The following NXPH1 variants were observed in gnomAD, a reference collection of about 807,000 sequenced individuals.
The protein encoded by NXPH1 is neurexophilin 1.
A neutral mutation model predicts 23.7 loss-of-function variants in NXPH1; 5 were observed. That is an observed-to-expected ratio of 0.21 (90% CI 0.11 to 0.44). NXPH1 has a LOEUF of 0.44. Ranked by LOEUF, NXPH1 falls within the 20% of genes least tolerant of loss-of-function variation. NXPH1 has a pLI of 0.99. For synonymous variants in NXPH1, 144 were observed against 122.2 expected (o/e 1.18, Z -1.18); for missense variants, 324 against 321.6 (o/e 1.01, Z -0.06).
rs149251991 is a variant in NXPH1 at position 8,615,697 on chromosome 7, G to A, written c.55-135311G>A. On this transcript the variant is annotated intron_variant, in intron 2 of 2. Coordinates refer to ENST00000405863, the MANE Select transcript of NXPH1 (RefSeq NM_152745.3). ...TTATTGAGAACCAAAGGTATTCTAT[G>A]CTTTGCTAAAGATTGGAGAAGGAAA... Among the ~76,000 whole-genome samples the A allele has an allele frequency of 3.5e-3, 525 of 152,012 alleles. 2 individuals carry two copies. Among genetic ancestry groups the A allele is most frequent in the African/African-American group, 0.012 (497 of 41,468 alleles).
At chr7:8,739,135 G>A (rs1583255287) in intron 2 of NXPH1, among the ~76,000 whole-genome samples, 3 of 132,354 alleles carry the variant, frequency 2.3e-5, no homozygotes, top group South Asian at 4.9e-4. Flanking sequence ...GGGAGTGAAC[G>A]GTTTCGTCTC....
Position 8,545,238 on chromosome 7 carries a change from G to A in NXPH1, c.54+109471G>A, listed in dbSNP as rs143841477. ...AGTAGAAGATTGAGTTTCAGTTCAGGCTTTGTCACTAGGACAATTTCTACT... is the reference window on the plus strand; with the variant it reads ...AGTAGAAGATTGAGTTTCAGTTCAGACTTTGTCACTAGGACAATTTCTACT... On this transcript the variant is annotated intron_variant, in intron 2 of 2. Transcript: ENST00000405863. 1.2e-3 allele frequency among the ~76,000 whole-genome samples: 187 copies of A among 151,558 alleles called. 1 individual carries two copies. The highest frequency in any genetic ancestry group is 4.3e-3 in the African/African-American group (178 of 41,466).
At chr7:8,660,956 C>CT (rs78990589) in intron 2 of NXPH1, among the ~76,000 whole-genome samples, 6,843 of 139,444 alleles carry the variant, frequency 0.049, 509 homozygotes, top group African/African-American at 0.16. Flanking sequence ...TATATCATTC[C>CT]TTTTTTTTTT....
intron 2 of NXPH1, among the ~76,000 whole-genome samples, chr7:8,574,083 C>A (rs528427230): frequency 6.6e-6 from 1 of 152,174 alleles, no homozygotes; most frequent in African/African-American, 2.4e-5. Flanking sequence ...AGGCTCTGAG[C>A]AGGACCAGAA....
chr7:8,604,663 C>T (rs1374638145), intron 2 of NXPH1, among the ~76,000 whole-genome samples: 1 of 151,928 alleles, frequency 6.6e-6, no homozygotes, highest in Non-Finnish European at 1.5e-5. Flanking sequence ...CTATATATGC[C>T]TTATTTGTGA....
At chr7:8,723,487 T>G (rs902552740) in intron 2 of NXPH1, among the ~76,000 whole-genome samples, 3 of 152,226 alleles carry the variant, frequency 2.0e-5, no homozygotes, top group Non-Finnish European at 4.4e-5. Flanking sequence ...TTGCTCTTAT[T>G]CAGTTTTGTC....
At chr7:8,616,931 A>G (rs993111643) in intron 2 of NXPH1, among the ~76,000 whole-genome samples, 18 of 151,950 alleles carry the variant, frequency 1.2e-4, no homozygotes, top group African/African-American at 3.1e-4. Context: ...GAGTAGATCA[A>G]TTAGGAGTTC....
intron 2 of NXPH1, among the ~76,000 whole-genome samples, chr7:8,438,549 G>T (rs1816238434): frequency 6.6e-6 from 1 of 152,188 alleles, no homozygotes; most frequent in South Asian, 2.1e-4. Flanking sequence ...AGTGCACCTT[G>T]ACCTTTAAGC....
rs1780573157 is a variant in NXPH1, at chr7:8,751,991, A to C, written c.*222A>C. On this transcript the variant is annotated 3_prime_UTR_variant, in exon 3 of 3. Coordinates refer to ENST00000405863, the MANE Select transcript of NXPH1 (RefSeq NM_152745.3). This position sits in a 1 kb window ranked among gnomAD's most constrained non-coding sequence, Gnocchi z 4.5. ...GTAAATCATCACAGATTTTGAATTC[A>C]CACCTGAAGACATGCTCTCACATAT... is the stretch of plus-strand genomic sequence containing the variant. The C allele has an allele frequency of 3.9e-6, 2 of 508,816 alleles. No individual in the cohort carries two copies. Among genetic ancestry groups the C allele is most frequent in the Non-Finnish European group, 7.1e-6 (2 of 283,620 alleles). 31.5% of individuals were successfully genotyped at this position (508,816 alleles called of 1,614,324 possible). A position where few individuals can be genotyped will look rare whatever the true frequency, so the allele number is the denominator to read the frequency against.
At chr7:8,614,843 T>G (rs756978195) in intron 2 of NXPH1, among the ~76,000 whole-genome samples, 1 of 152,096 alleles carries the variant, frequency 6.6e-6, no homozygotes, top group Non-Finnish European at 1.5e-5. Context: ...TTGTGGCAGT[T>G]ATTGTTCTTA....
At chr7:8,503,277 T>G (rs1196990074) in intron 2 of NXPH1, among the ~76,000 whole-genome samples, 1 of 152,000 alleles carries the variant, frequency 6.6e-6, no homozygotes, top group Non-Finnish European at 1.5e-5. Flanking sequence ...TGAAACAACT[T>G]GCACAAGGAA....
At chr7:8,449,624 G>GCCACC (rs1816470435) in intron 2 of NXPH1, among the ~76,000 whole-genome samples, 1 of 152,158 alleles carries the variant, frequency 6.6e-6, no homozygotes, top group Non-Finnish European at 1.5e-5. Context: ...TGTGTCTGGT[G>GCCACC]TAAGGTGGCA....
intron 2 of NXPH1, among the ~76,000 whole-genome samples, chr7:8,639,419 C>T (rs1340553572): frequency 6.6e-6 from 1 of 151,986 alleles, no homozygotes; most frequent in Non-Finnish European, 1.5e-5. Context: ...GCCACATTGT[C>T]CTCTAAAAGA....
intron 2 of NXPH1, among the ~76,000 whole-genome samples, chr7:8,478,914 A>C (rs1817026585): frequency 6.6e-6 from 1 of 152,110 alleles, no homozygotes; most frequent in Non-Finnish European, 1.5e-5. Flanking sequence ...TACAAGTATA[A>C]AGGGCTCAGA....
At position 8,434,324 on chromosome 7, in the gene NXPH1, C is replaced by A. The variant is rs1816150504; in HGVS notation, c.-542C>A. 1 of 153,290 alleles carries A rather than the reference C, an allele frequency of 6.5e-6. No homozygotes were observed. Among genetic ancestry groups the A allele is most frequent in the Non-Finnish European group, 1.5e-5 (1 of 68,540 alleles). The allele number at this position is 153,290 out of a possible 1,614,324, so 9.5% of individuals were successfully genotyped here. On this transcript the variant is annotated 5_prime_UTR_variant, in exon 1 of 3. Coordinates refer to ENST00000405863, the MANE Select transcript of NXPH1 (RefSeq NM_152745.3). This position sits in a 1 kb window ranked among gnomAD's most constrained non-coding sequence, Gnocchi z 7.6. ...CCCCTTAAGTCATTTCCACCATCCT[C>A]AGGCAGCTGTGGGAAGCCGAGAGTC...
intron 2 of NXPH1, among the ~76,000 whole-genome samples, chr7:8,599,030 A>T (rs1819294594): frequency 6.6e-6 from 1 of 152,194 alleles, no homozygotes; most frequent in Non-Finnish European, 1.5e-5. Context: ...TAATTGGATG[A>T]ATCAGCCAGG....
rs531087081 is a variant in NXPH1 at position 8,582,201 on chromosome 7, G to T, written c.54+146434G>T. Reference sequence around the variant, plus strand: ...TGGCACTGGGAAGCTTGTAGATGCCGGGAATCACAGAGCCCCAAAGACAGT... The same window carrying T: ...TGGCACTGGGAAGCTTGTAGATGCCTGGAATCACAGAGCCCCAAAGACAGT... On this transcript the variant is annotated intron_variant, in intron 2 of 2. Transcript: ENST00000405863. 2.0e-5 allele frequency among the ~76,000 whole-genome samples: 3 copies of T among 152,274 alleles called. No homozygotes were observed. In the East Asian group the frequency reaches 5.8e-4, roughly 29 times the overall value.
chr7:8,605,309 G>A (rs919712852), intron 2 of NXPH1, among the ~76,000 whole-genome samples: 2 of 152,234 alleles, frequency 1.3e-5, no homozygotes, highest in African/African-American at 4.8e-5. Context: ...AATAATGGTT[G>A]CAGTTATTTT....
At chr7:8,595,613 T>G (rs1583180038) in intron 2 of NXPH1, among the ~76,000 whole-genome samples, 1 of 152,060 alleles carries the variant, frequency 6.6e-6, no homozygotes, top group East Asian at 1.9e-4. Context: ...TAAAATCCAG[T>G]TTTTAATGCT....
Sources: gnomAD v4.1 joint callset for allele counts (sites outside exome capture counted in the v4.1 genomes callset) on GRCh38, gnomAD v4.1.1 for gene constraint, Gnocchi (gnomAD v3.1) non-coding constraint, MANE v1.5 for transcripts, NCBI Gene and HGNC (gene_info 2026-07-23, HGNC 2026-07-21) for gene names.